DPP9: variants seen among roughly 807,000 people sequenced by gnomAD.
The protein encoded by DPP9 is dipeptidyl peptidase IV-related protein-2.
Under a neutral mutation model 110.7 loss-of-function variants are expected in DPP9, and 50 were observed. The observed-to-expected ratio is 0.45, with a 90% CI of 0.36 to 0.57. The LOEUF (loss-of-function observed/expected upper bound fraction) is 0.57. Among genes scored for constraint, DPP9 ranks in the 20% least tolerant of loss-of-function variants. The probability of loss-of-function intolerance (pLI) is 0.00; values close to 1 mark genes in which losing one functional copy is unlikely to be tolerated. For synonymous variants in DPP9, 561 were observed against 514.4 expected (o/e 1.09, Z -1.23); for missense variants, 1,022 against 1,217.9 (o/e 0.84, Z 2.39).
At chr19:4,708,325 C>T (rs781609625) in intron 4 of DPP9, among the ~76,000 whole-genome samples, 3 of 152,164 alleles carry the variant, frequency 2.0e-5, no homozygotes, top group African/African-American at 4.8e-5. Context: ...CACCCTGCAC[C>T]GAAGACCCCC....
rs2092757546 is a variant in DPP9, at chr19:4,710,019, T to C, written c.314-4049A>G. Among the ~76,000 whole-genome samples, 1 of 152,184 alleles carries C rather than the reference T, an allele frequency of 6.6e-6. No homozygotes were observed. The highest frequency in any genetic ancestry group is 6.5e-5 in the Admixed American group (1 of 15,286). On this transcript the variant is annotated intron_variant, in intron 4 of 21. Coordinates refer to ENST00000262960, the MANE Select transcript of DPP9 (RefSeq NM_139159.5). The surrounding 1 kb of genome is among the most constrained non-coding windows in gnomAD (Gnocchi z 5.6). ...GGGCGAGCTGCTGCTGGCACTATGA[T>C]GGTGACAACTGGCCTTTGAGGCAAG...
At position 4,695,512 on chromosome 19, in the gene DPP9, G is replaced by C. The variant is rs1165213578; in HGVS notation, c.1219C>G (p.Leu407Val). 6.5e-7 allele frequency: 1 copy of C among 1,540,214 alleles called. No homozygotes were observed. Among genetic ancestry groups the C allele is most frequent in the Non-Finnish European group, 8.7e-7 (1 of 1,146,328 alleles). The change falls in exon 12 of 22, where the codon CTC (leucine) becomes GTC (valine). Residue 407 changes from leucine to valine, a missense_variant. Around this residue, in one of 3 missense-constraint regions of DPP9, gnomAD observed 810 missense variants for 920.6 expected, o/e 0.88. Transcript: ENST00000262960. This position sits in a 1 kb window ranked among gnomAD's most constrained non-coding sequence, Gnocchi z 4.7. ...AACAGGGCCGGGGGGAGGAGGACGA[G>C]CTGGAGCCACTGCTGGGGCCGGTCC... ...FLDRPQQWLQ[L>V]VLLPPALFIP...
chr19:4,719,364 AAAT>A (rs1257938589), intron 3 of DPP9: 2 of 151,864 alleles, frequency 1.3e-5, no homozygotes, highest in African/African-American at 2.4e-5. Context: ...ATAAATAAAT[AAAT>A]AAAAATGGAC....
At chr19:4,711,790 A>C (rs2092846132) in intron 4 of DPP9, among the ~76,000 whole-genome samples, 1 of 150,616 alleles carries the variant, frequency 6.6e-6, no homozygotes, top group African/African-American at 2.4e-5. Flanking sequence ...AAAAAAAAAA[A>C]AAAAAAAAAG....
rs148398571 is a variant in DPP9, at chr19:4,682,866, C to CAG, written c.2332-30_2332-29dup. 1.8e-5 allele frequency: 27 copies of CAG among 1,542,822 alleles called. No individual in the cohort carries two copies. Among genetic ancestry groups the CAG allele is most frequent in the Admixed American group, 3.9e-5 (2 of 51,588 alleles). On this transcript the variant is annotated intron_variant, in intron 19 of 21. Coordinates refer to ENST00000262960, the MANE Select transcript of DPP9 (RefSeq NM_139159.5). This position sits in a 1 kb window ranked among gnomAD's most constrained non-coding sequence, Gnocchi z 7.1. ...GAGGGACACAGCAGACAGATGGGGG[C>CAG]AGAGAGAGAGAGAGAAACAGGCGTC...
At position 4,684,601 on chromosome 19, in the gene DPP9, C is replaced by A; in HGVS notation, c.2178+62G>T. On this transcript the variant is annotated intron_variant, in intron 18 of 21. Coordinates refer to ENST00000262960, the MANE Select transcript of DPP9 (RefSeq NM_139159.5). This position sits in a 1 kb window ranked among gnomAD's most constrained non-coding sequence, Gnocchi z 4.8. Reference sequence around the variant, plus strand: ...GAGCCGCTCCCATGCCCTGCACCCACACGGCCCAGGGCTCCCTTCCCGAGA... The same window carrying A: ...GAGCCGCTCCCATGCCCTGCACCCAAACGGCCCAGGGCTCCCTTCCCGAGA... 7 of 1,585,156 alleles carry A rather than the reference C, an allele frequency of 4.4e-6. No individual in the cohort carries two copies. Among genetic ancestry groups the A allele is most frequent in the Non-Finnish European group, 6.0e-6 (7 of 1,162,930 alleles).
intron 1 of DPP9, 176 bp from the exon 2 acceptor site, chr19:4,722,727 G>T (rs2093375381): frequency 3.4e-6 from 2 of 587,546 alleles, no homozygotes; most frequent in Non-Finnish European, 6.1e-6. Context: ...ATCTGGGAGA[G>T]AAGCCATCCC....
intron 10 of DPP9, among the ~76,000 whole-genome samples, chr19:4,699,642 C>A (rs2145675747): frequency 6.6e-6 from 1 of 152,170 alleles, no homozygotes; most frequent in East Asian, 1.9e-4. Context: ...CGCCTCCAGG[C>A]TGTGGGGTCC....
rs1448323299 is a variant in DPP9, at chr19:4,700,556, C to A, written c.1013-279G>T. 6.6e-6 allele frequency among the ~76,000 whole-genome samples: 1 copy of A among 152,352 alleles called. No individual in the cohort carries two copies. Among genetic ancestry groups the A allele is most frequent in the East Asian group, 1.9e-4 (1 of 5,186 alleles). ...CTTTCTCATTTAAAAACACGGGCCACACCCTGTGCTGAGAGCTGGGGCTTG... is the reference window on the plus strand; with the variant it reads ...CTTTCTCATTTAAAAACACGGGCCAAACCCTGTGCTGAGAGCTGGGGCTTG... On this transcript the variant is annotated intron_variant, in intron 9 of 21. Transcript: ENST00000262960. This position sits in a 1 kb window ranked among gnomAD's most constrained non-coding sequence, Gnocchi z 4.3.
chr19:4,720,161 C>T (rs2093258632), intron 2 of DPP9, among the ~76,000 whole-genome samples: 1 of 152,232 alleles, frequency 6.6e-6, no homozygotes, highest in South Asian at 2.1e-4. Context: ...TCTTTCTCAA[C>T]AGGAGGTTCC....
chr19:4,684,995 A>G lies in DPP9; in HGVS notation c.2032-186T>C. The G allele has an allele frequency of 1.3e-6, 1 of 754,482 alleles. No individual in the cohort carries two copies. The highest frequency in any genetic ancestry group is 2.3e-6 in the Non-Finnish European group (1 of 435,228). 46.7% of individuals were successfully genotyped at this position (754,482 alleles called of 1,614,324 possible). On this transcript the variant is annotated intron_variant, in intron 17 of 21. Transcript: ENST00000262960. The surrounding 1 kb of genome is among the most constrained non-coding windows in gnomAD (Gnocchi z 4.8). The stretch of plus-strand genomic sequence containing the variant: ...AAGGCGGGAGGGGCCCATACTCGGG[A>G]CCCTGCTAGGGAGGGGGAAGGGCCA...
At chr19:4,711,914 A>C (rs961803057) in intron 4 of DPP9, among the ~76,000 whole-genome samples, 1 of 151,692 alleles carries the variant, frequency 6.6e-6, no homozygotes, top group Non-Finnish European at 1.5e-5. Context: ...GCTGGCCGCC[A>C]CCAGAAGCTG....
At chr19:4,702,449 T>C (rs1227984447) in intron 8 of DPP9, among the ~76,000 whole-genome samples, 154 bp downstream of exon 8, 1 of 152,092 alleles carries the variant, frequency 6.6e-6, no homozygotes, top group Admixed American at 6.5e-5. Flanking sequence ...GCAACAGCGA[T>C]GTCTACAGTC....
Position 4,682,311 on chromosome 19 carries a change from G to C in DPP9, c.2474+385C>G, listed in dbSNP as rs79298725. On this transcript the variant is annotated intron_variant, in intron 20 of 21. Coordinates refer to ENST00000262960, the MANE Select transcript of DPP9 (RefSeq NM_139159.5). This position sits in a 1 kb window ranked among gnomAD's most constrained non-coding sequence, Gnocchi z 7.1. ...CATCTGAGCTGGTCCCTGGCCCTGT[G>C]GACATCTATGTCCTGAAGCACAAGA... Among the ~76,000 whole-genome samples, 7,923 of 152,286 alleles carry C rather than the reference G, an allele frequency of 0.052. 541 individuals are homozygous for C. Among genetic ancestry groups the C allele is most frequent in the African/African-American group, 0.16 (6,698 of 41,538 alleles).
At position 4,700,226 on chromosome 19, in the gene DPP9, C is replaced by T. The variant is rs558288867; in HGVS notation, c.1064G>A (p.Ser355Asn). The change falls in exon 10 of 22, where the codon AGC becomes AAC. Residue 355 changes from serine to asparagine, a missense_variant. Physicochemically the swap from Ser to Asn is conservative, Grantham distance 46. Transcript: ENST00000262960. The surrounding 1 kb of genome is among the most constrained non-coding windows in gnomAD (Gnocchi z 4.3). ...ALKLAEFQTD[S>N]QGKIVSTQEK... Reference sequence around the variant, plus strand: ...AGCAGGCCCCCTTACCTTGCCCTGGCTGTCAGTCTGGAACTCAGCCAGTTT... The same window carrying T: ...AGCAGGCCCCCTTACCTTGCCCTGGTTGTCAGTCTGGAACTCAGCCAGTTT... The T allele has an allele frequency of 2.0e-5, 31 of 1,587,476 alleles. No homozygotes were observed. In the African/African-American group the frequency reaches 3.9e-4, roughly 20 times the overall value.
chr19:4,715,017 T>C (rs560454609), intron 3 of DPP9, among the ~76,000 whole-genome samples: 2 of 116,250 alleles, frequency 1.7e-5, no homozygotes. Context: ...TATATATATA[T>C]ACTTTTTTTT....
rs961490964 is a variant in DPP9, at chr19:4,687,009, C to T, written c.1886-1238G>A. ...CAAACGTGGCACAGATTGGGAGTTT[C>T]GGGAAACAGTGCCTCGTTCCCCAGG... is the stretch of plus-strand genomic sequence containing the variant. On this transcript the variant is annotated intron_variant, in intron 16 of 21. Coordinates refer to ENST00000262960, the MANE Select transcript of DPP9 (RefSeq NM_139159.5). The surrounding 1 kb of genome is among the most constrained non-coding windows in gnomAD (Gnocchi z 4.7). 2.0e-5 allele frequency among the ~76,000 whole-genome samples: 3 copies of T among 152,162 alleles called. No homozygotes were observed. Among genetic ancestry groups the T allele is most frequent in the African/African-American group, 4.8e-5 (2 of 41,434 alleles).
At position 4,700,002 on chromosome 19, in the gene DPP9, T is replaced by G. The variant is rs546074616; in HGVS notation, c.1074+214A>C. On this transcript the variant is annotated intron_variant, in intron 10 of 21. Transcript: ENST00000262960. This position sits in a 1 kb window ranked among gnomAD's most constrained non-coding sequence, Gnocchi z 4.3. Reference sequence around the variant, plus strand: ...GCCTCCAGTCTCAGGACCCACTCTGTGAGGCAGGGAGGCCAGCTCGCCACG... The same window carrying G: ...GCCTCCAGTCTCAGGACCCACTCTGGGAGGCAGGGAGGCCAGCTCGCCACG... Among the ~76,000 whole-genome samples, 4 of 152,228 alleles carry G rather than the reference T, an allele frequency of 2.6e-5. No individual in the cohort carries two copies. The South Asian group carries it at 8.3e-4, about 32-fold the overall frequency.
Position 4,684,770 on chromosome 19 carries a change from A to G in DPP9, c.2071T>C (p.Leu691=), listed in dbSNP as rs748102598. The change falls in exon 18 of 22, where the codon TTG becomes CTG. Residue 691 remains leucine (L), a synonymous_variant. Coordinates refer to ENST00000262960, the MANE Select transcript of DPP9 (RefSeq NM_139159.5). The surrounding 1 kb of genome is among the most constrained non-coding windows in gnomAD (Gnocchi z 4.8). Reference sequence around the variant, plus strand: ...AGGGAGGCCAGTGTGTTGAGCCGCAAGTACTTGATGCCTTTGAAGGAGTTA... The same window carrying G: ...AGGGAGGCCAGTGTGTTGAGCCGCAGGTACTTGATGCCTTTGAAGGAGTTA... ...VNNSFKGIKY[L]RLNTLASLGY... 6.9e-6 allele frequency: 11 copies of G among 1,603,160 alleles called. No homozygotes were observed. In the African/African-American group the frequency reaches 1.3e-4, roughly 20 times the overall value.
Sources: allele counts gnomAD v4.1 joint callset (sites outside exome capture counted in the v4.1 genomes callset), GRCh38; gene constraint gnomAD v4.1.1; regional missense constraint gnomAD v4.1.1; non-coding constraint Gnocchi (gnomAD v3.1); transcripts MANE v1.5; gene names NCBI Gene and HGNC (gene_info 2026-07-23, HGNC 2026-07-21).